The following TCF12 variants were observed in gnomAD, a reference collection of about 807,000 sequenced individuals.
TCF12 encodes the protein transcription factor 12.
A neutral mutation model predicts 86.0 loss-of-function variants in TCF12; 45 were observed. The ratio of observed to expected loss-of-function variants is 0.52; its 90% CI spans 0.41 to 0.67. The LOEUF is 0.67. Among genes scored for constraint, TCF12 ranks in the 30% least tolerant of loss-of-function variants. The pLI is 0.00. For missense variants in TCF12, 881 were observed against 859.9 expected (o/e 1.02, Z -0.31); for synonymous variants, 330 against 299.6 (o/e 1.10, Z -1.05).
chr15:56,939,034 A>T (rs747882370), intron 3 of TCF12, among the ~76,000 whole-genome samples: 10 of 152,176 alleles, frequency 6.6e-5, no homozygotes, highest in Non-Finnish European at 1.3e-4. Context: ...GTTCTGTGAC[A>T]CTGGTCTCTC....
At chr15:57,198,269 C>T (rs2057370017) in intron 8 of TCF12, among the ~76,000 whole-genome samples, 2 of 152,172 alleles carry the variant, frequency 1.3e-5, no homozygotes, top group African/African-American at 4.8e-5. Flanking sequence ...CTCAGCTTGC[C>T]TCAGTAGGAC....
chr15:57,064,372 A>G (rs1435106745), intron 4 of TCF12, among the ~76,000 whole-genome samples: 8 of 152,190 alleles, frequency 5.3e-5, no homozygotes, highest in African/African-American at 1.9e-4. Context: ...GCAAAAAACA[A>G]AAACAAAAAC....
chr15:56,972,016 C>T (rs1348260226), intron 3 of TCF12, among the ~76,000 whole-genome samples: 1 of 152,086 alleles, frequency 6.6e-6, no homozygotes, highest in Non-Finnish European at 1.5e-5. Context: ...ACAGCTCTTA[C>T]GAATATACTA....
At chr15:57,270,229 C>T (rs2061070568) in intron 18 of TCF12, among the ~76,000 whole-genome samples, 1 of 152,174 alleles carries the variant, frequency 6.6e-6, no homozygotes, top group Non-Finnish European at 1.5e-5. Context: ...AATGTAGTCC[C>T]ATATTTCTTG....
At position 57,248,527 on chromosome 15, in the gene TCF12, TGTA is replaced by T. The variant is rs373377998; in HGVS notation, c.1115-2819_1115-2817del. Among the ~76,000 whole-genome samples, 134 of 152,332 alleles carry T rather than the reference TGTA, an allele frequency of 8.8e-4. 4 individuals are homozygous for T. Among genetic ancestry groups the T allele is most frequent in the African/African-American group, 3.2e-3 (132 of 41,568 alleles). On this transcript the variant is annotated intron_variant, in intron 13 of 20. Coordinates refer to ENST00000333725, the MANE Select transcript of TCF12 (RefSeq NM_207037.2). ...TATAAATGAATAAAAGTTCAATAATTGTAGTACTCAGTAGTAATCTTCAGAGCT... is the reference window on the plus strand; with the variant it reads ...TATAAATGAATAAAAGTTCAATAATTGTACTCAGTAGTAATCTTCAGAGCT...
rs371442342 is a variant in TCF12, at chr15:57,157,669, T to C, written c.326-8733T>C. On this transcript the variant is annotated intron_variant, in intron 5 of 20. Transcript: ENST00000333725. The stretch of plus-strand genomic sequence containing the variant: ...CCTCCACCTTCTGGGTTCAAGAGAG[T>C]CTCCTGCCTCAGCCTCCCGAGTAGC... 2.8e-4 allele frequency among the ~76,000 whole-genome samples: 42 copies of C among 151,072 alleles called. 1 individual carries two copies. The South Asian group carries it at 6.9e-3, about 25-fold the overall frequency.
intron 6 of TCF12, among the ~76,000 whole-genome samples, chr15:57,184,242 G>A (rs1304438571): frequency 6.6e-6 from 1 of 152,086 alleles, no homozygotes; most frequent in Admixed American, 6.5e-5. Flanking sequence ...TAACACTGTT[G>A]CATGAAAACA....
At chr15:57,244,459 AT>A (rs2059768226) in intron 13 of TCF12, among the ~76,000 whole-genome samples, 1 of 151,788 alleles carries the variant, frequency 6.6e-6, no homozygotes, top group East Asian at 1.9e-4. Flanking sequence ...AGTGGTTCAC[AT>A]TTGTTTTTGT....
chr15:57,070,546 A>G (rs765819143), intron 4 of TCF12, among the ~76,000 whole-genome samples: 1 of 152,218 alleles, frequency 6.6e-6, no homozygotes, highest in East Asian at 1.9e-4. Context: ...AAATCAGCCT[A>G]TAAGATTATC....
chr15:57,228,760 G>A (rs1407604136), intron 8 of TCF12, among the ~76,000 whole-genome samples: 1 of 121,558 alleles, frequency 8.2e-6, no homozygotes, highest in African/African-American at 2.5e-5. Context: ...GTATATTAGT[G>A]TGTGAAATAC....
chr15:57,024,134 G>T (rs1311288113), intron 3 of TCF12, among the ~76,000 whole-genome samples: 1 of 151,542 alleles, frequency 6.6e-6, no homozygotes, highest in Non-Finnish European at 1.5e-5. Flanking sequence ...ACAAATAACT[G>T]TGAACAATGT....
At chr15:57,271,677 C>T (rs2061150778) in intron 18 of TCF12, among the ~76,000 whole-genome samples, 1 of 152,212 alleles carries the variant, frequency 6.6e-6, no homozygotes, top group Non-Finnish European at 1.5e-5. Flanking sequence ...TCTTCGATCT[C>T]ACTGGGAGCT....
chr15:57,160,136 T>A (rs1255678972), intron 5 of TCF12, among the ~76,000 whole-genome samples: 2 of 152,212 alleles, frequency 1.3e-5, no homozygotes, highest in Non-Finnish European at 2.9e-5. Context: ...AAGTGTGGAT[T>A]GTGGCTAATC....
intron 16 of TCF12, among the ~76,000 whole-genome samples, chr15:57,259,076 A>T (rs2060472316): frequency 6.6e-6 from 1 of 152,068 alleles, no homozygotes; most frequent in Non-Finnish European, 1.5e-5. Context: ...TAAATGGGCA[A>T]TTTTTTAAAT....
intron 4 of TCF12, among the ~76,000 whole-genome samples, chr15:57,078,424 C>G (rs1291835019): frequency 6.6e-6 from 1 of 152,130 alleles, no homozygotes; most frequent in African/African-American, 2.4e-5. Flanking sequence ...AGGCCCAGAC[C>G]TCATGAAAAG....
At chr15:56,963,706 A>C (rs1045350413) in intron 3 of TCF12, among the ~76,000 whole-genome samples, 1 of 152,190 alleles carries the variant, frequency 6.6e-6, no homozygotes, top group East Asian at 1.9e-4. Context: ...TTTTGGATGC[A>C]CCTACTTATT....
chr15:57,059,941 A>T (rs2068334980), intron 3 of TCF12, among the ~76,000 whole-genome samples: 1 of 152,128 alleles, frequency 6.6e-6, no homozygotes, highest in African/African-American at 2.4e-5. Context: ...GATTGACACT[A>T]GAAAGAAAAT....
intron 5 of TCF12, among the ~76,000 whole-genome samples, chr15:57,147,625 CATATTTT>C (rs1159024269): frequency 6.6e-6 from 1 of 151,962 alleles, no homozygotes; most frequent in Non-Finnish European, 1.5e-5. Context: ...AATCCTTGTG[CATATTTT>C]ATAAAATTAT....
chr15:57,028,023 G>A (rs1451295048), intron 3 of TCF12, among the ~76,000 whole-genome samples: 3 of 152,126 alleles, frequency 2.0e-5, no homozygotes, highest in Middle Eastern at 3.4e-3. Flanking sequence ...GAGTGTGGTG[G>A]TGTGGTCTTG....
Sources: allele counts gnomAD v4.1 joint callset (sites outside exome capture counted in the v4.1 genomes callset), GRCh38; gene constraint gnomAD v4.1.1; transcripts MANE v1.5; gene names NCBI Gene and HGNC (gene_info 2026-07-23, HGNC 2026-07-21).